Variants in CAPN8 observed in about 807,000 individuals in gnomAD.
The protein encoded by CAPN8 is calpain-8.
A neutral mutation model predicts 80.9 loss-of-function variants in CAPN8; 87 were observed. The observed-to-expected ratio is 1.07, with a 90% confidence interval of 0.90 to 1.28. The LOEUF is 1.28. Among genes scored for constraint, CAPN8 ranks in the 50% most tolerant of loss-of-function variants. The pLI is 0.00. For synonymous variants in CAPN8, 299 were observed against 273.8 expected (o/e 1.09, Z -0.91); for missense variants, 757 against 702.0 (o/e 1.08, Z -0.89).
intron 4 of CAPN8, among the ~76,000 whole-genome samples, chr1:223,627,385 T>C (rs1199559867): frequency 6.6e-6 from 1 of 152,104 alleles, no homozygotes; most frequent in Non-Finnish European, 1.5e-5. Context: ...CACCCCCTCC[T>C]TTACAAAGCC....
chr1:223,551,728 G>T (rs1005577721), intron 14 of CAPN8, among the ~76,000 whole-genome samples: 1 of 152,200 alleles, frequency 6.6e-6, no homozygotes, highest in Non-Finnish European at 1.5e-5. Context: ...TAAGGAAGTC[G>T]TGATTTTGTA....
chr1:223,554,574 C>T (rs1168795279), intron 13 of CAPN8, among the ~76,000 whole-genome samples: 10 of 151,186 alleles, frequency 6.6e-5, no homozygotes, highest in African/African-American at 2.2e-4. Context: ...GGTGATAAAG[C>T]GAGACCTTAT....
Position 223,648,843 on chromosome 1 carries a change from G to A in CAPN8, c.307+5487C>T, listed in dbSNP as rs183741605. The stretch of plus-strand genomic sequence containing the variant: ...GGTTAGAAGAGAAAAGCACACACAG[G>A]CACAAACACACGGAGTATAAGACAG... On this transcript the variant is annotated intron_variant, in intron 2 of 20. Coordinates refer to ENST00000366872, the MANE Select transcript of CAPN8 (RefSeq NM_001143962.2). Among the ~76,000 whole-genome samples, 21 of 152,230 alleles carry A rather than the reference G, an allele frequency of 1.4e-4. No homozygotes were observed. In the East Asian group the frequency reaches 3.9e-3, roughly 28 times the overall value.
chr1:223,656,672 T>G (rs1019984289), intron 1 of CAPN8, among the ~76,000 whole-genome samples: 2 of 82,652 alleles, frequency 2.4e-5, no homozygotes, highest in Non-Finnish European at 5.2e-5. Flanking sequence ...TTTTGGGTTT[T>G]TTTGTTTTGT....
intron 2 of CAPN8, among the ~76,000 whole-genome samples, chr1:223,645,827 G>A (rs1000466413): frequency 1.1e-4 from 17 of 152,296 alleles, no homozygotes; most frequent in Non-Finnish European, 2.5e-4. Flanking sequence ...GACCCCTGAG[G>A]GAGGCACAAA....
At chr1:223,547,522 A>T (rs900337343) in intron 16 of CAPN8, among the ~76,000 whole-genome samples, 1 of 152,216 alleles carries the variant, frequency 6.6e-6, no homozygotes, top group African/African-American at 2.4e-5. Flanking sequence ...GGGTGATGAC[A>T]ATGTTCTAAA....
At chr1:223,615,845 G>C (rs1173275952) in intron 10 of CAPN8, 125 bp downstream of exon 10, 2 of 1,184,610 alleles carry the variant, frequency 1.7e-6, no homozygotes, top group Admixed American at 4.0e-5. Flanking sequence ...GTATATAGAG[G>C]AGCAAGGACG....
rs1045411014 is a variant in CAPN8, at chr1:223,622,606, A to G, written c.899+209T>C. 13 of 562,568 alleles carry G rather than the reference A, an allele frequency of 2.3e-5. No homozygotes were observed. In the South Asian group the frequency reaches 2.9e-4, roughly 12 times the overall value. The allele number at this position is 562,568 out of a possible 1,614,324, so 34.8% of individuals were successfully genotyped here. ...CAAACTTTCAAATGCCAAAGCAGAA[A>G]GCCAGAATCGAAGACTACAGCCCAG... On this transcript the variant is annotated intron_variant, in intron 7 of 20. Transcript: ENST00000366872.
At chr1:223,638,701 AAAC>A (rs1385392642) in intron 2 of CAPN8, among the ~76,000 whole-genome samples, 21 of 152,154 alleles carry the variant, frequency 1.4e-4, no homozygotes, top group Admixed American at 1.4e-3. Context: ...TCCCTCAAAC[AAAC>A]AACATAGAAC....
intron 13 of CAPN8, 49 bp downstream of exon 13, chr1:223,558,082 G>T: frequency 2.5e-6 from 1 of 398,566 alleles, no homozygotes; most frequent in South Asian, 1.3e-4. Flanking sequence ...AACCTGGAAT[G>T]ACTGCTATGC....
At position 223,627,224 on chromosome 1, in the gene CAPN8, C is replaced by T. The variant is rs574212644; in HGVS notation, c.561-67G>A. On this transcript the variant is annotated intron_variant, in intron 4 of 20. Coordinates refer to ENST00000366872, the MANE Select transcript of CAPN8 (RefSeq NM_001143962.2). Reference sequence around the variant, plus strand: ...GCAAGGAGACCCGGGGATTGGGGACCGGGACAGTGCTAGGACATACTGTGG... The same window carrying T: ...GCAAGGAGACCCGGGGATTGGGGACTGGGACAGTGCTAGGACATACTGTGG... The T allele has an allele frequency of 2.5e-5, 38 of 1,498,434 alleles. 1 individual carries two copies. In the South Asian group the frequency reaches 2.9e-4, roughly 11 times the overall value. 92.8% of individuals were successfully genotyped at this position (1,498,434 alleles called of 1,614,324 possible).
intron 9 of CAPN8, 93 bp from the exon 10 acceptor site, chr1:223,616,238 T>C (rs1470228602): frequency 4.4e-6 from 6 of 1,355,950 alleles, no homozygotes; most frequent in East Asian, 5.0e-5. Context: ...ATCATCCTAA[T>C]GAATGCACAG....
chr1:223,545,863 G>A (rs376570519), intron 16 of CAPN8, among the ~76,000 whole-genome samples: 181 of 128,460 alleles, frequency 1.4e-3, no homozygotes, highest in Middle Eastern at 5.0e-3. Flanking sequence ...TCTCTCTGTC[G>A]CCCAGGCTGG....
intron 2 of CAPN8, among the ~76,000 whole-genome samples, chr1:223,644,736 G>C (rs927177370): frequency 2.6e-5 from 4 of 152,108 alleles, no homozygotes; most frequent in Non-Finnish European, 4.4e-5. Flanking sequence ...CTAGGTGATG[G>C]CTTCCTCCTC....
In CAPN8 at chr1:223,623,413, A is replaced by C. The variant is rs112101245; in HGVS notation, c.814-513T>G. Among the ~76,000 whole-genome samples, 1,359 of 152,308 alleles carry C rather than the reference A, an allele frequency of 8.9e-3. 24 individuals are homozygous for C. Among genetic ancestry groups the C allele is most frequent in the African/African-American group, 0.03 (1,231 of 41,558 alleles). On this transcript the variant is annotated intron_variant, in intron 6 of 20. Transcript: ENST00000366872. ...ATCTGAGACTTAAAGAAGTTACATT[A>C]TCCGAGATTATCTAGTTAGTAAGTG...
chr1:223,642,680 T>G, intron 2 of CAPN8: 1 of 401,078 alleles, frequency 2.5e-6, no homozygotes, highest in Non-Finnish European at 4.9e-6. Flanking sequence ...ATTTTTGCCT[T>G]ACCTTCTAAG....
intron 1 of CAPN8, among the ~76,000 whole-genome samples, chr1:223,663,638 A>G (rs777622629): frequency 3.9e-5 from 6 of 152,234 alleles, no homozygotes; most frequent in Non-Finnish European, 7.3e-5. Context: ...TTGAAATGAA[A>G]TGTGGCTGTC....
intron 1 of CAPN8, among the ~76,000 whole-genome samples, chr1:223,655,916 G>C (rs1658472689): frequency 6.6e-6 from 1 of 152,164 alleles, no homozygotes; most frequent in Non-Finnish European, 1.5e-5. Flanking sequence ...AAGACTGTCT[G>C]GCCACAGAGA....
At chr1:223,555,918 C>G (rs1656896345) in intron 13 of CAPN8, among the ~76,000 whole-genome samples, 1 of 152,222 alleles carries the variant, frequency 6.6e-6, no homozygotes, top group South Asian at 2.1e-4. Context: ...CAATGGTGAA[C>G]AAGGCGTAGT....
Sources: gnomAD v4.1 joint callset for allele counts (sites outside exome capture counted in the v4.1 genomes callset) on GRCh38, gnomAD v4.1.1 for gene constraint, MANE v1.5 for transcripts, NCBI Gene and HGNC (gene_info 2026-07-23, HGNC 2026-07-21) for gene names.